Variants in VWA8 observed in about 807,000 individuals in gnomAD.
The protein encoded by VWA8 is von Willebrand factor A domain-containing protein 8.
A neutral mutation model predicts 241.5 loss-of-function variants in VWA8; 221 were observed. That is an observed-to-expected ratio of 0.91 (90% CI 0.82 to 1.02). VWA8 has a LOEUF of 1.02. Among genes scored for constraint, VWA8 ranks in the 50% least tolerant of loss-of-function variants. The pLI, the probability that VWA8 is intolerant of heterozygous loss-of-function variation, is 0.00. For synonymous variants in VWA8, 852 were observed against 827.1 expected (o/e 1.03, Z -0.52); for missense variants, 2,322 against 2,328.7 (o/e 1.00, Z 0.06).
intron 4 of VWA8, among the ~76,000 whole-genome samples, chr13:41,892,880 T>C (rs528333226): frequency 1.3e-5 from 2 of 152,210 alleles, no homozygotes; most frequent in South Asian, 4.1e-4. Flanking sequence ...TAGTCCAAGC[T>C]CCTTAATTTG....
chr13:41,732,244 A>G (rs1313639762), intron 21 of VWA8, 89 bp from the exon 22 acceptor site: 2 of 1,297,656 alleles, frequency 1.5e-6, no homozygotes, highest in Non-Finnish European at 2.1e-6. Flanking sequence ...GCATTTTTTA[A>G]AAGATTTTTG....
At chr13:41,644,947 C>G (rs969626138) in intron 37 of VWA8, among the ~76,000 whole-genome samples, 2 of 152,066 alleles carry the variant, frequency 1.3e-5, no homozygotes, top group Non-Finnish European at 2.9e-5. Flanking sequence ...GTATAGTTTC[C>G]AAGAACCTGT....
At chr13:41,939,984 A>G (rs547178828) in intron 2 of VWA8, among the ~76,000 whole-genome samples, 22 of 152,342 alleles carry the variant, frequency 1.4e-4, no homozygotes, top group African/African-American at 5.0e-4. Flanking sequence ...TTAAATTCCA[A>G]AAGAATTTTC....
chr13:41,931,139 A>T (rs1242915485), intron 2 of VWA8, among the ~76,000 whole-genome samples: 2 of 146,650 alleles, frequency 1.4e-5, no homozygotes, highest in African/African-American at 5.1e-5. Flanking sequence ...ACAGAGTGAG[A>T]CTCCGTCTCA....
intron 26 of VWA8, among the ~76,000 whole-genome samples, chr13:41,712,977 T>C (rs2045327882): frequency 6.6e-6 from 1 of 152,236 alleles, no homozygotes; most frequent in African/African-American, 2.4e-5. Flanking sequence ...TATGTTTATG[T>C]TGACACCTAC....
chr13:41,664,208 C>A (rs80109655), intron 37 of VWA8, among the ~76,000 whole-genome samples: 3 of 152,004 alleles, frequency 2.0e-5, no homozygotes, highest in Non-Finnish European at 4.4e-5. Context: ...AAATTCTAGC[C>A]GGAAATCCTT....
chr13:41,871,191 G>T (rs1281382352), intron 9 of VWA8, among the ~76,000 whole-genome samples: 1 of 152,004 alleles, frequency 6.6e-6, no homozygotes, highest in Non-Finnish European at 1.5e-5. Context: ...ATTATTTCAG[G>T]TTACTTCCTA....
chr13:41,697,948 T>C (rs2045225912), intron 29 of VWA8, among the ~76,000 whole-genome samples: 1 of 152,216 alleles, frequency 6.6e-6, no homozygotes, highest in South Asian at 2.1e-4. Flanking sequence ...GGCATGTTTC[T>C]AGACTCTGGG....
At chr13:41,734,858 T>C (rs572447987) in intron 21 of VWA8, among the ~76,000 whole-genome samples, 1 of 152,314 alleles carries the variant, frequency 6.6e-6, no homozygotes, top group South Asian at 2.1e-4. Flanking sequence ...TGTGGGATGA[T>C]AGGGAAAGTG....
chr13:41,870,316 A>G (rs1324711788), intron 9 of VWA8, among the ~76,000 whole-genome samples: 1 of 152,184 alleles, frequency 6.6e-6, no homozygotes, highest in Non-Finnish European at 1.5e-5. Context: ...AAGGAGCAAG[A>G]CCTACCCAAG....
At chr13:41,745,063 T>A (rs2045594632) in intron 21 of VWA8, among the ~76,000 whole-genome samples, 1 of 151,990 alleles carries the variant, frequency 6.6e-6, no homozygotes, top group Non-Finnish European at 1.5e-5. Flanking sequence ...GATGGTCTCA[T>A]CTCCTGACCT....
At chr13:41,841,370 C>T (rs1322616349) in intron 12 of VWA8, among the ~76,000 whole-genome samples, 2 of 152,070 alleles carry the variant, frequency 1.3e-5, no homozygotes, top group African/African-American at 2.4e-5. Flanking sequence ...TACAGCTAGT[C>T]TTTATTGTTG....
chr13:41,572,909 A>G (rs1197554345), intron 43 of VWA8, among the ~76,000 whole-genome samples: 1 of 147,728 alleles, frequency 6.8e-6, no homozygotes, highest in Admixed American at 6.7e-5. Flanking sequence ...GGAGTTCGAG[A>G]CCGGCCTGGC....
At chr13:41,828,283 T>C (rs1176343360) in intron 14 of VWA8, among the ~76,000 whole-genome samples, 2 of 152,172 alleles carry the variant, frequency 1.3e-5, no homozygotes, top group African/African-American at 4.8e-5. Flanking sequence ...ATACACTTAA[T>C]TATCTTTTAC....
chr13:41,661,316 G>C (rs566896276), intron 37 of VWA8, among the ~76,000 whole-genome samples: 1 of 152,186 alleles, frequency 6.6e-6, no homozygotes, highest in Non-Finnish European at 1.5e-5. Flanking sequence ...CAAATGCCAA[G>C]CTTTTAACTC....
At chr13:41,829,540 C>CACAT (rs1293479727) in intron 14 of VWA8, among the ~76,000 whole-genome samples, 2 of 134,502 alleles carry the variant, frequency 1.5e-5, no homozygotes. Flanking sequence ...TACACACACA[C>CACAT]ACACACACAC....
chr13:41,850,333 T>C (rs1395582160), intron 12 of VWA8, among the ~76,000 whole-genome samples: 1 of 152,180 alleles, frequency 6.6e-6, no homozygotes. Context: ...CATACTATAA[T>C]GTAGTTCCCT....
At position 41,567,942 on chromosome 13, in the gene VWA8, T is replaced by C; in HGVS notation, c.*255A>G. On this transcript the variant is annotated 3_prime_UTR_variant, in exon 45 of 45. Transcript: ENST00000379310. Reference sequence around the variant, plus strand: ...AACCACCTTCCTTTAACCCCAACCTTTGATAAAGTGCAGGTCAACTAGCTT... The same window carrying C: ...AACCACCTTCCTTTAACCCCAACCTCTGATAAAGTGCAGGTCAACTAGCTT... 1 of 360,778 alleles carries C rather than the reference T, an allele frequency of 2.8e-6. No individual in the cohort carries two copies. The highest frequency in any genetic ancestry group is 5.0e-6 in the Non-Finnish European group (1 of 201,566). The allele number at this position is 360,778 out of a possible 1,614,324, so 22.3% of individuals were successfully genotyped here.
At position 41,881,386 on chromosome 13, in the gene VWA8, G is replaced by T. The variant is rs1593840977; in HGVS notation, c.1080+2001C>A. On this transcript the variant is annotated intron_variant, in intron 9 of 44. Transcript: ENST00000379310. ...TTTTTTTTTGCCGGGGGGGGGGGGG[G>T]GGGGGTAAGGTCACAGATCAACAGG... 7.0e-5 allele frequency among the ~76,000 whole-genome samples: 3 copies of T among 42,676 alleles called. 1 individual carries two copies. The highest frequency in any genetic ancestry group is 1.2e-3 in the East Asian group (1 of 842). The allele number at this position is 42,676 out of a possible 152,430, so 28.0% of individuals were successfully genotyped here.
Sources: allele counts gnomAD v4.1 joint callset (sites outside exome capture counted in the v4.1 genomes callset), GRCh38; gene constraint gnomAD v4.1.1; transcripts MANE v1.5; gene names NCBI Gene and HGNC (gene_info 2026-07-23, HGNC 2026-07-21).